Variants in NBEA observed in about 807,000 individuals in gnomAD.
The protein encoded by NBEA is lysosomal-trafficking regulator 2.
NBEA carries 44 observed loss-of-function variants against 343.4 expected under a neutral mutation model. That is an observed-to-expected ratio of 0.13 (90% CI 0.10 to 0.16). The LOEUF is 0.16. Ranked by LOEUF, NBEA falls within the 10% of genes least tolerant of loss-of-function variation. NBEA has a pLI of 1.00. For synonymous variants in NBEA, 1,175 were observed against 1,238.7 expected (o/e 0.95, Z 1.08); for missense variants, 2,555 against 3,631.3 (o/e 0.70, Z 7.62).
At chr13:35,606,366 A>C in intron 47 of NBEA, 60 bp from the exon 48 acceptor site, 1 of 918,020 alleles carries the variant, frequency 1.1e-6, no homozygotes, top group South Asian at 4.3e-5. Flanking sequence ...ATAAGTTAAT[A>C]GTTTTATTCA....
chr13:35,609,004 G>A (rs895978531), intron 48 of NBEA, among the ~76,000 whole-genome samples: 1 of 151,978 alleles, frequency 6.6e-6, no homozygotes, highest in Non-Finnish European at 1.5e-5. Context: ...GAGATTATTC[G>A]ATCTCTACTT....
chr13:35,395,692 T>C (rs1221506295), intron 38 of NBEA, among the ~76,000 whole-genome samples: 1 of 152,184 alleles, frequency 6.6e-6, no homozygotes, highest in Non-Finnish European at 1.5e-5. Context: ...ACTGTTTCTT[T>C]ACTAATATGT....
intron 34 of NBEA, among the ~76,000 whole-genome samples, chr13:35,244,148 A>G (rs947329935): frequency 1.6e-4 from 25 of 152,102 alleles, no homozygotes; most frequent in Non-Finnish European, 3.1e-4. Context: ...TAGAAACTCC[A>G]TAAACACTTA....
chr13:35,029,453 G>A (rs1181845005), intron 1 of NBEA, among the ~76,000 whole-genome samples: 1 of 151,592 alleles, frequency 6.6e-6, no homozygotes, highest in Non-Finnish European at 1.5e-5. Flanking sequence ...TTTCTATGAA[G>A]TGAGGGATGG....
rs769202332 is a variant in NBEA at position 35,619,601 on chromosome 13, G to T, written c.7450-8480G>T. 2.0e-5 allele frequency among the ~76,000 whole-genome samples: 3 copies of T among 152,254 alleles called. No homozygotes were observed. The South Asian group carries it at 6.2e-4, about 32-fold the overall frequency. The stretch of plus-strand genomic sequence containing the variant: ...CTGAGTTCCAAGAGATGGGCCAGAG[G>T]GGGCTCAGATATTCTTCACAGATAA... On this transcript the variant is annotated intron_variant, in intron 48 of 58. Transcript: ENST00000379939.
At chr13:35,373,992 T>C (rs2041597825) in intron 38 of NBEA, among the ~76,000 whole-genome samples, 2 of 152,190 alleles carry the variant, frequency 1.3e-5, no homozygotes, top group Non-Finnish European at 2.9e-5. Context: ...CCTTCATCAG[T>C]GATCTGAGCT....
rs1247447323 is a variant in NBEA, at chr13:35,564,517, G to A, written c.6923-2388G>A. 4.6e-5 allele frequency among the ~76,000 whole-genome samples: 7 copies of A among 152,060 alleles called. 1 individual carries two copies. Among genetic ancestry groups the A allele is most frequent in the African/African-American group, 1.7e-4 (7 of 41,412 alleles). ...AAAAAAGTACTGAGCCCTATCAGGT[G>A]TCCTAGGTTAGCATACATATGAACT... On this transcript the variant is annotated intron_variant, in intron 44 of 58. Transcript: ENST00000379939.
intron 41 of NBEA, chr13:35,475,891 A>G (rs764976023): frequency 6.2e-7 from 1 of 1,613,956 alleles, no homozygotes; most frequent in Non-Finnish European, 8.5e-7. Context: ...GAACACCCCC[A>G]TTTGGTTGAG....
At chr13:35,129,867 T>C (rs1159716709) in intron 17 of NBEA, among the ~76,000 whole-genome samples, 1 of 152,052 alleles carries the variant, frequency 6.6e-6, no homozygotes, top group Non-Finnish European at 1.5e-5. Context: ...AAGTTAGCCA[T>C]ATAATATTAA....
intron 45 of NBEA, among the ~76,000 whole-genome samples, chr13:35,574,803 G>A (rs1318683418): frequency 6.6e-6 from 1 of 150,674 alleles, no homozygotes; most frequent in Non-Finnish European, 1.5e-5. Flanking sequence ...AGGCTGAAGT[G>A]CAATGGTGCA....
intron 1 of NBEA, among the ~76,000 whole-genome samples, chr13:34,970,518 T>C (rs1010378076): frequency 3.3e-5 from 5 of 152,198 alleles, no homozygotes; most frequent in Non-Finnish European, 5.9e-5. Context: ...TTTTGTGTTT[T>C]ATATTTAAGT....
chr13:35,063,630 G>A (rs2063543437), intron 8 of NBEA, among the ~76,000 whole-genome samples: 1 of 151,958 alleles, frequency 6.6e-6, no homozygotes, highest in South Asian at 2.1e-4. Flanking sequence ...GAGAGGAACA[G>A]CCATTGAAAA....
intron 41 of NBEA, among the ~76,000 whole-genome samples, chr13:35,479,099 A>C (rs1012442392): frequency 2.0e-5 from 3 of 152,228 alleles, no homozygotes; most frequent in Non-Finnish European, 2.9e-5. Flanking sequence ...GAGAAAGAAA[A>C]ATGGATGGTG....
chr13:35,620,328 G>T (rs2082925629), intron 48 of NBEA, among the ~76,000 whole-genome samples: 1 of 152,110 alleles, frequency 6.6e-6, no homozygotes, highest in East Asian at 1.9e-4. Flanking sequence ...GCCTCCCTAT[G>T]AAGGGAGATT....
At chr13:35,128,090 T>TGGGGGGA (rs2067221951) in intron 17 of NBEA, among the ~76,000 whole-genome samples, 2 of 76,770 alleles carry the variant, frequency 2.6e-5, no homozygotes, top group South Asian at 9.9e-4. Context: ...CAGAAAGGGG[T>TGGGGGGA]GGGGGGAGGG....
chr13:35,586,328 C>T (rs367933880), intron 46 of NBEA, among the ~76,000 whole-genome samples: 11 of 152,118 alleles, frequency 7.2e-5, no homozygotes, highest in African/African-American at 2.7e-4. Context: ...TGACAAACTA[C>T]AATTATTTTT....
intron 49 of NBEA, among the ~76,000 whole-genome samples, chr13:35,635,024 A>G (rs1445122540): frequency 6.6e-6 from 1 of 152,180 alleles, no homozygotes; most frequent in Non-Finnish European, 1.5e-5. Flanking sequence ...AACAGCTGCA[A>G]TGCTGGCTTT....
At chr13:35,471,207 A>T (rs976152940) in intron 40 of NBEA, among the ~76,000 whole-genome samples, 1 of 152,254 alleles carries the variant, frequency 6.6e-6, no homozygotes, top group Middle Eastern at 3.4e-3. Flanking sequence ...GGCATTGTGC[A>T]GGACGGTCGC....
intron 1 of NBEA, among the ~76,000 whole-genome samples, chr13:35,001,793 ATAGC>A (rs1306158381): frequency 6.6e-6 from 1 of 152,150 alleles, no homozygotes; most frequent in East Asian, 1.9e-4. Context: ...ATATTTTGAA[ATAGC>A]TAGAAGAGAG....
Sources: gnomAD v4.1 joint callset for allele counts (sites outside exome capture counted in the v4.1 genomes callset) on GRCh38, gnomAD v4.1.1 for gene constraint, MANE v1.5 for transcripts, NCBI Gene and HGNC (gene_info 2026-07-23, HGNC 2026-07-21) for gene names.